ELN: variants seen among roughly 807,000 people sequenced by gnomAD.
ELN encodes tropoelastin.
ELN carries 65 observed loss-of-function variants against 105.8 expected under a neutral mutation model. The observed-to-expected ratio is 0.61, with a 90% CI of 0.50 to 0.75. The LOEUF is 0.75. Among genes scored for constraint, ELN ranks in the 30% least tolerant of loss-of-function variants. The pLI, the probability that ELN is intolerant of heterozygous loss-of-function variation, is 0.00. For missense variants in ELN, 882 were observed against 969.4 expected (o/e 0.91, Z 1.20); for synonymous variants, 368 against 389.2 (o/e 0.95, Z 0.64).
At chr7:74,032,348 G>T (rs1788892448) in intron 1 of ELN, among the ~76,000 whole-genome samples, 1 of 152,220 alleles carries the variant, frequency 6.6e-6, no homozygotes, top group Non-Finnish European at 1.5e-5. Context: ...TGGTGCGGGG[G>T]TAGGACTTGG....
At chr7:74,046,560 T>A in intron 11 of ELN, 136 bp from the exon 12 acceptor site, 1 of 912,082 alleles carries the variant, frequency 1.1e-6, no homozygotes, top group Non-Finnish European at 1.8e-6. Flanking sequence ...ATGATGGAGA[T>A]TCAGGGAGTC....
intron 1 of ELN, among the ~76,000 whole-genome samples, chr7:74,032,754 G>T (rs1176288611): frequency 6.6e-6 from 1 of 152,112 alleles, no homozygotes; most frequent in Non-Finnish European, 1.5e-5. Flanking sequence ...AACCCCAGGA[G>T]AAAGGAAGTC....
intron 15 of ELN, among the ~76,000 whole-genome samples, chr7:74,050,596 TTCACCCATG>T (rs1793819359): frequency 6.6e-6 from 1 of 151,180 alleles, no homozygotes; most frequent in Non-Finnish European, 1.5e-5. Context: ...CATCCATCCA[TTCACCCATG>T]CATTCATTCA....
rs1337161292 is a variant in ELN at position 74,063,329 on chromosome 7, C to CGCTGCCGCAGCCAAAGCT, written c.1885_1902dup (p.Ala629_Ala634dup). 10 of 1,551,104 alleles carry CGCTGCCGCAGCCAAAGCT rather than the reference C, an allele frequency of 6.4e-6. No homozygotes were observed. The highest frequency in any genetic ancestry group is 3.9e-5 in the Admixed American group (2 of 51,042). On this transcript the variant is annotated inframe_insertion, in exon 28 of 33. Coordinates refer to ENST00000252034, the MANE Select transcript of ELN (RefSeq NM_000501.4). The surrounding 1 kb of genome is among the most constrained non-coding windows in gnomAD (Gnocchi z 4.1). ...TCCCAGGAGCCGGACCCGCCGCCGC[C>CGCTGCCGCAGCCAAAGCT]GCTGCCGCAGCCAAAGCTGCTGCCA...
At chr7:74,058,754 C>A (rs1266596158) in intron 22 of ELN, among the ~76,000 whole-genome samples, 1 of 152,166 alleles carries the variant, frequency 6.6e-6, no homozygotes, top group African/African-American at 2.4e-5. Context: ...CGTGGCAGCA[C>A]CAATTGTAGA....
chr7:74,042,030 G>A (rs1421320241), intron 5 of ELN, among the ~76,000 whole-genome samples: 3 of 148,924 alleles, frequency 2.0e-5, no homozygotes, highest in Admixed American at 1.3e-4. Context: ...TCAAGCCACC[G>A]TGCCCAGCCA....
In ELN at chr7:74,069,520, G is replaced by T; in HGVS notation, c.*820G>T. The T allele has an allele frequency of 4.3e-6, 1 of 233,672 alleles. No homozygotes were observed. Among genetic ancestry groups the T allele is most frequent in the Admixed American group, 5.6e-5 (1 of 17,800 alleles). The allele number at this position is 233,672 out of a possible 1,614,324, so 14.5% of individuals were successfully genotyped here. On this transcript the variant is annotated 3_prime_UTR_variant, in exon 33 of 33. Coordinates refer to ENST00000252034, the MANE Select transcript of ELN (RefSeq NM_000501.4). ...GGGGCTGTGCAGACTGGGGTGCCAG[G>T]CATCTCCTCCCCACCCGGGGTGTCC...
intron 1 of ELN, among the ~76,000 whole-genome samples, chr7:74,034,836 C>T (rs1554664534): frequency 2.0e-5 from 3 of 152,156 alleles, no homozygotes; most frequent in African/African-American, 7.2e-5. Context: ...AGCGGTGGCT[C>T]ACACCTGTAA....
chr7:74,046,357 A>C (rs1554672179), intron 11 of ELN, 140 bp downstream of exon 11: 2 of 1,249,180 alleles, frequency 1.6e-6, no homozygotes, highest in Non-Finnish European at 2.3e-6. Flanking sequence ...CAGTGGCTGT[A>C]GCACAAAGTG....
At chr7:74,033,394 GTTGA>G (rs1263542836) in intron 1 of ELN, among the ~76,000 whole-genome samples, 1 of 152,272 alleles carries the variant, frequency 6.6e-6, no homozygotes, top group Non-Finnish European at 1.5e-5. Flanking sequence ...ATAAGAGACT[GTTGA>G]GAGCTGGAGG....
rs939705326 is a variant in ELN, at chr7:74,028,339, G to T, written c.82+70G>T. The T allele has an allele frequency of 2.0e-6, 3 of 1,518,654 alleles. No homozygotes were observed. In the African/African-American group the frequency reaches 4.1e-5, roughly 21 times the overall value. The allele number at this position is 1,518,654 out of a possible 1,614,324, so 94.1% of individuals were successfully genotyped here. A position where few individuals can be genotyped will look rare whatever the true frequency, so the allele number is the denominator to read the frequency against. On this transcript the variant is annotated intron_variant, in intron 1 of 32. Coordinates refer to ENST00000252034, the MANE Select transcript of ELN (RefSeq NM_000501.4). ...GGCCCTTTGGGCCAGGTGACTAGAC[G>T]CTCAAGGGGGAGACCTTCGTCCCTG...
intron 13 of ELN, 52 bp from the exon 14 acceptor site, chr7:74,048,090 G>A: frequency 6.2e-7 from 1 of 1,608,328 alleles, no homozygotes; most frequent in Non-Finnish European, 8.5e-7. Context: ...GAGGGGGAGG[G>A]CAGCAGTGGT....
At position 74,051,845 on chromosome 7, in the gene ELN, A is replaced by G. The variant is rs782379310; in HGVS notation, c.889+6A>G. 7 of 1,614,216 alleles carry G rather than the reference A, an allele frequency of 4.3e-6. No homozygotes were observed. Among genetic ancestry groups the G allele is most frequent in the Non-Finnish European group, 5.1e-6 (6 of 1,180,018 alleles). Reference sequence around the variant, plus strand: ...TGGAATTGGAGGCATCGCAGGTAACATCTGTCCCAGCAGGGGGCGGGTGTG... The same window carrying G: ...TGGAATTGGAGGCATCGCAGGTAACGTCTGTCCCAGCAGGGGGCGGGTGTG... On this transcript the variant is annotated splice_donor_region_variant and intron_variant, in intron 16 of 32. Transcript: ENST00000252034.
At chr7:74,045,146 AC>A in intron 9 of ELN, 75 bp from the exon 10 acceptor site, 1 of 1,557,308 alleles carries the variant, frequency 6.4e-7, no homozygotes, top group Non-Finnish European at 8.8e-7. Context: ...CAGCTGGGGG[AC>A]CCGAGGAGGG....
rs797035177 is a variant in ELN, at chr7:74,032,432, G to A, written c.83-2932G>A. 8.8e-4 allele frequency among the ~76,000 whole-genome samples: 130 copies of A among 147,926 alleles called. 1 individual carries two copies. The highest frequency in any genetic ancestry group is 3.1e-3 in the African/African-American group (124 of 40,072). Reference sequence around the variant, plus strand: ...TGGAGGGAGAAGTGAGGATCGCCACGGGGCCTGGGGAAGCAGCTGTTACCT... The same window carrying A: ...TGGAGGGAGAAGTGAGGATCGCCACAGGGCCTGGGGAAGCAGCTGTTACCT... On this transcript the variant is annotated intron_variant, in intron 1 of 32. Coordinates refer to ENST00000252034, the MANE Select transcript of ELN (RefSeq NM_000501.4).
Position 74,063,840 on chromosome 7 carries a change from C to A in ELN, c.1993+145C>A. On this transcript the variant is annotated intron_variant, in intron 29 of 32. Coordinates refer to ENST00000252034, the MANE Select transcript of ELN (RefSeq NM_000501.4). The surrounding 1 kb of genome is among the most constrained non-coding windows in gnomAD (Gnocchi z 4.1). The stretch of plus-strand genomic sequence containing the variant: ...CCTCTTGGCCAGGTGCGGTGGCTCA[C>A]GCCTGCAATCCCAGCACTCTAGTAG... 2 of 1,132,020 alleles carry A rather than the reference C, an allele frequency of 1.8e-6. No individual in the cohort carries two copies. Among genetic ancestry groups the A allele is most frequent in the Non-Finnish European group, 2.6e-6 (2 of 765,666 alleles). 70.1% of individuals were successfully genotyped at this position (1,132,020 alleles called of 1,614,324 possible).
intron 4 of ELN, among the ~76,000 whole-genome samples, chr7:74,039,676 C>A (rs1790739883): frequency 6.6e-6 from 1 of 152,236 alleles, no homozygotes; most frequent in African/African-American, 2.4e-5. Context: ...GGCCAGCCGC[C>A]CACTGAGAGG....
intron 1 of ELN, among the ~76,000 whole-genome samples, chr7:74,031,217 A>G (rs1788578100): frequency 6.6e-6 from 1 of 152,158 alleles, no homozygotes; most frequent in Non-Finnish European, 1.5e-5. Flanking sequence ...CAGGCTCTTC[A>G]GCTCACTGGT....
rs369612249 is a variant in ELN, at chr7:74,054,688, G to A, written c.1097-28G>A. 2.5e-6 allele frequency: 4 copies of A among 1,613,266 alleles called. No homozygotes were observed. In the African/African-American group the frequency reaches 5.3e-5, roughly 22 times the overall value. Reference sequence around the variant, plus strand: ...ACAGCTCTCCTCCAATCTCTCCTGAGCATTTGTGTCCCTTTTGGTCTCTCC... The same window carrying A: ...ACAGCTCTCCTCCAATCTCTCCTGAACATTTGTGTCCCTTTTGGTCTCTCC... On this transcript the variant is annotated intron_variant, in intron 18 of 32. Transcript: ENST00000252034.
Sources: allele counts gnomAD v4.1 joint callset (sites outside exome capture counted in the v4.1 genomes callset), GRCh38; gene constraint gnomAD v4.1.1; non-coding constraint Gnocchi (gnomAD v3.1); transcripts MANE v1.5; gene names NCBI Gene and HGNC (gene_info 2026-07-23, HGNC 2026-07-21).